ERP27: variants seen among roughly 807,000 people sequenced by gnomAD.
ERP27 encodes the protein endoplasmic reticulum protein 27, also known as endoplasmic reticulum resident protein 27.
Under a neutral mutation model 27.7 loss-of-function variants are expected in ERP27, and 23 were observed. That is an observed-to-expected ratio of 0.83 (90% CI 0.60 to 1.18). The LOEUF (loss-of-function observed/expected upper bound fraction) is 1.18, where lower values mean the gene tolerates loss of function less well. Ranked by LOEUF, ERP27 falls within the 50% of genes most tolerant of loss-of-function variation. The pLI is 0.00. For missense variants in ERP27, 363 were observed against 327.9 expected (o/e 1.11, Z -0.83); for synonymous variants, 159 against 118.3 (o/e 1.34, Z -2.23).
Position 14,932,317 on chromosome 12 carries a change from A to G in ERP27, c.333+2539T>C, listed in dbSNP as rs1172850706. Among the ~76,000 whole-genome samples the G allele has an allele frequency of 4.3e-4, 66 of 152,226 alleles. 1 individual carries two copies. The highest frequency in any genetic ancestry group is 4.3e-3 in the Admixed American group (66 of 15,274). ...TTAGGCCCATTTGGAGATTCCAGAG[A>G]TATTTCCTGAAGGGTAACATTCCTG... On this transcript the variant is annotated intron_variant, in intron 3 of 6. Transcript: ENST00000266397.
At position 14,917,235 on chromosome 12, in the gene ERP27, T is replaced by A. The variant is rs35203261; in HGVS notation, c.519A>T (p.Pro173=). The part of the protein sequence containing the change: ...HLLLIMNKAS[P]EYEENMHRYQ... ...ATCTGTGCATGTTCTCTTCATACTC[T>A]GGGGAGGCCTTGTTCATTATCAGGA... The change falls in exon 5 of 7, where the codon CCA becomes CCT. Residue 173 remains proline, a synonymous_variant. Transcript: ENST00000266397. 4.0e-3 allele frequency: 6,489 copies of A among 1,614,110 alleles called. 180 individuals are homozygous for A. In the African/African-American group the frequency reaches 0.069, roughly 17 times the overall value.
intron 4 of ERP27, among the ~76,000 whole-genome samples, chr12:14,917,906 T>A (rs1035326272): frequency 2.0e-5 from 3 of 152,220 alleles, no homozygotes; most frequent in African/African-American, 4.8e-5. Context: ...TATTTGAAAC[T>A]CCTAAGATTT....
chr12:14,935,973 C>T (rs1863767168), intron 2 of ERP27, among the ~76,000 whole-genome samples: 1 of 152,148 alleles, frequency 6.6e-6, no homozygotes, highest in Admixed American at 6.5e-5. Context: ...CCACCTCCCT[C>T]AGGCTCCCAA....
chr12:14,934,591 G>C (rs892596787), intron 3 of ERP27, among the ~76,000 whole-genome samples: 3 of 152,126 alleles, frequency 2.0e-5, no homozygotes, highest in Non-Finnish European at 4.4e-5. Flanking sequence ...AAAATGTTAA[G>C]TGACTGCCCA....
chr12:14,931,567 C>T (rs1243687290), intron 3 of ERP27, among the ~76,000 whole-genome samples: 1 of 152,056 alleles, frequency 6.6e-6, no homozygotes, highest in East Asian at 1.9e-4. Context: ...ATAATCTTGC[C>T]CACAGAGGTC....
intron 3 of ERP27, among the ~76,000 whole-genome samples, chr12:14,922,445 T>C (rs1863519145): frequency 6.7e-6 from 1 of 148,870 alleles, no homozygotes; most frequent in African/African-American, 2.5e-5. Flanking sequence ...GAAGTGTTTA[T>C]TCATGTTGCT....
intron 3 of ERP27, among the ~76,000 whole-genome samples, chr12:14,929,950 T>C (rs1231656899): frequency 2.0e-5 from 3 of 151,254 alleles, no homozygotes; most frequent in Admixed American, 2.0e-4. Flanking sequence ...TTAATAAATA[T>C]ATACTTTAAA....
intron 3 of ERP27, among the ~76,000 whole-genome samples, chr12:14,925,082 G>A (rs1425760243): frequency 6.6e-6 from 1 of 152,170 alleles, no homozygotes; most frequent in Non-Finnish European, 1.5e-5. Flanking sequence ...CAGCCCTTGG[G>A]GCTGTTCTGC....
At chr12:14,924,589 T>A (rs755131719) in intron 3 of ERP27, among the ~76,000 whole-genome samples, 18 of 152,180 alleles carry the variant, frequency 1.2e-4, no homozygotes, top group Non-Finnish European at 2.2e-4. Context: ...TGAGGTGATA[T>A]CTTATTGTGG....
chr12:14,934,407 T>C (rs1326672030), intron 3 of ERP27, among the ~76,000 whole-genome samples: 1 of 152,184 alleles, frequency 6.6e-6, no homozygotes, highest in South Asian at 2.1e-4. Flanking sequence ...ATATATTTAA[T>C]ATGTTTTTAT....
intron 3 of ERP27, among the ~76,000 whole-genome samples, chr12:14,927,744 GCACACACACACACA>G (rs3084565): frequency 1.3e-5 from 2 of 148,218 alleles, no homozygotes; most frequent in Non-Finnish European, 3.0e-5. Flanking sequence ...ATGCCTTCAG[GCACACACACACACA>G]CACACACACA....
At chr12:14,915,187 G>A (rs56033063) in intron 6 of ERP27, among the ~76,000 whole-genome samples, 3,853 of 152,200 alleles carry the variant, frequency 0.025, 156 homozygotes, top group African/African-American at 0.087. Flanking sequence ...TATACAGCTT[G>A]TAATGATCAA....
At position 14,917,200 on chromosome 12, in the gene ERP27, G is replaced by A; in HGVS notation, c.554C>T (p.Ala185Val). ...YEENMHRYQK[A>V]AKLFQGKILF... ...TACCTTCCCCTGGAAGAGCTTGGCTGCCTTCTGGTATCTGTGCATGTTCTC... is the reference window on the plus strand; with the variant it reads ...TACCTTCCCCTGGAAGAGCTTGGCTACCTTCTGGTATCTGTGCATGTTCTC... Residue 185 changes from alanine (A) to valine (V), a missense_variant, in exon 5 of 7, where the codon GCA becomes GTA. Coordinates refer to ENST00000266397, the MANE Select transcript of ERP27 (RefSeq NM_152321.4). 2.5e-6 allele frequency: 4 copies of A among 1,614,118 alleles called. No individual in the cohort carries two copies. Among genetic ancestry groups the A allele is most frequent in the Non-Finnish European group, 3.4e-6 (4 of 1,180,000 alleles).
Position 14,914,577 on chromosome 12 carries a change from T to TGTGCGCGC in ERP27, c.*157_*158insGCGCGCAC. 1.8e-6 allele frequency: 1 copy of TGTGCGCGC among 541,918 alleles called. No individual in the cohort carries two copies. The highest frequency in any genetic ancestry group is 3.1e-5 in the East Asian group (1 of 31,950). 33.6% of individuals were successfully genotyped at this position (541,918 alleles called of 1,614,324 possible). ...GAAGCTCTGTGTGTGTGTGTGTGTG[T>TGTGCGCGC]GCGTGTGTGTGTGCACGCGTGCGTG... On this transcript the variant is annotated 3_prime_UTR_variant, in exon 7 of 7. Coordinates refer to ENST00000266397, the MANE Select transcript of ERP27 (RefSeq NM_152321.4).
At chr12:14,922,883 C>T (rs1003697429) in intron 3 of ERP27, among the ~76,000 whole-genome samples, 5 of 151,988 alleles carry the variant, frequency 3.3e-5, no homozygotes, top group Admixed American at 1.3e-4. Context: ...CAAGACTAGC[C>T]GGCCAACATG....
chr12:14,927,398 A>C (rs1211513065), intron 3 of ERP27, among the ~76,000 whole-genome samples: 1 of 151,752 alleles, frequency 6.6e-6, no homozygotes, highest in Non-Finnish European at 1.5e-5. Flanking sequence ...CAGGGGCTGA[A>C]ATGATTTGCA....
At chr12:14,928,913 A>C in intron 3 of ERP27, 13 of 1,527,178 alleles carry the variant, frequency 8.5e-6, no homozygotes, top group Non-Finnish European at 1.1e-5. Context: ...TAATATTTGC[A>C]GCTCCTCTAG....
rs527995074 is a variant in ERP27 at position 14,938,144 on chromosome 12, A to G, written c.95-92T>C. ...ATCTATACCTTTTATCTCTATACTAAGGGCAAGAAGAGCACAATTTATAGG... is the reference window on the plus strand; with the variant it reads ...ATCTATACCTTTTATCTCTATACTAGGGGCAAGAAGAGCACAATTTATAGG... On this transcript the variant is annotated intron_variant, in intron 1 of 6. Transcript: ENST00000266397. 1,315 of 1,056,328 alleles carry G rather than the reference A, an allele frequency of 1.2e-3. 6 individuals are homozygous for G. Among genetic ancestry groups the G allele is most frequent in the Non-Finnish European group, 1.6e-3 (1,090 of 696,102 alleles). The allele number at this position is 1,056,328 out of a possible 1,614,324, so 65.4% of individuals were successfully genotyped here.
At chr12:14,917,112 C>T (rs1027801065) in intron 5 of ERP27, 66 bp downstream of exon 5, 27 of 1,588,184 alleles carry the variant, frequency 1.7e-5, no homozygotes, top group Non-Finnish European at 2.2e-5. Context: ...GCTTCCTAGC[C>T]CCATCTCCCT....
Sources: gnomAD v4.1 joint callset for allele counts (sites outside exome capture counted in the v4.1 genomes callset) on GRCh38, gnomAD v4.1.1 for gene constraint, MANE v1.5 for transcripts, NCBI Gene and HGNC (gene_info 2026-07-23, HGNC 2026-07-21) for gene names.